RIC8B: variants seen among roughly 807,000 people sequenced by gnomAD.
RIC8B encodes chaperone Ric-8B.
Under a neutral mutation model 57.5 loss-of-function variants are expected in RIC8B, and 16 were observed. That is an observed-to-expected ratio of 0.28 (90% CI 0.19 to 0.42). The LOEUF is 0.42. RIC8B is among the 10% of genes least tolerant of loss of function. The pLI, the probability that RIC8B is intolerant of heterozygous loss-of-function variation, is 1.00. For synonymous variants in RIC8B, 216 were observed against 250.8 expected (o/e 0.86, Z 1.31); for missense variants, 481 against 677.0 (o/e 0.71, Z 3.21).
At chr12:106,864,676 G>A (rs1401273860) in intron 8 of RIC8B, among the ~76,000 whole-genome samples, 4 of 151,994 alleles carry the variant, frequency 2.6e-5, no homozygotes, top group African/African-American at 9.7e-5. Flanking sequence ...TTTTACTTTG[G>A]GGATAAAATA....
At chr12:106,861,700 T>G (rs1440687765) in intron 8 of RIC8B, among the ~76,000 whole-genome samples, 1 of 152,118 alleles carries the variant, frequency 6.6e-6, no homozygotes, top group Non-Finnish European at 1.5e-5. Context: ...TAAATTAGTC[T>G]TACTAGCTTT....
At chr12:106,804,564 G>T (rs138473196) in intron 2 of RIC8B, among the ~76,000 whole-genome samples, 1 of 152,220 alleles carries the variant, frequency 6.6e-6, no homozygotes, top group Non-Finnish European at 1.5e-5. Context: ...AATTGGTCAG[G>T]TGGCAGCTGG....
At chr12:106,790,929 C>G (rs1481499924) in intron 2 of RIC8B, among the ~76,000 whole-genome samples, 1 of 152,128 alleles carries the variant, frequency 6.6e-6, no homozygotes, top group African/African-American at 2.4e-5. Context: ...AGGTAATTGT[C>G]AAGTTGAGAT....
Position 106,843,963 on chromosome 12 carries a change from A to T in RIC8B, c.1161+16A>T. The stretch of plus-strand genomic sequence containing the variant: ...CAAAGATCAGGTAACTGCTTAATGC[A>T]TATTACATTGCAAAGTTAGTCTTTT... On this transcript the variant is annotated intron_variant, in intron 6 of 9. Transcript: ENST00000392837. 1 of 1,528,158 alleles carries T rather than the reference A, an allele frequency of 6.5e-7. No individual in the cohort carries two copies. Among genetic ancestry groups the T allele is most frequent in the Non-Finnish European group, 9.1e-7 (1 of 1,103,338 alleles). The allele number at this position is 1,528,158 out of a possible 1,614,324, so 94.7% of individuals were successfully genotyped here.
chr12:106,877,674 G>T (rs752374059), intron 9 of RIC8B, among the ~76,000 whole-genome samples: 1 of 152,096 alleles, frequency 6.6e-6, no homozygotes, highest in Non-Finnish European at 1.5e-5. Flanking sequence ...TCATACATGT[G>T]ATCACATTAA....
chr12:106,860,686 G>A (rs1256085052), intron 8 of RIC8B, among the ~76,000 whole-genome samples: 1 of 152,090 alleles, frequency 6.6e-6, no homozygotes, highest in Non-Finnish European at 1.5e-5. Flanking sequence ...TACTGAGAAA[G>A]TGTTATTGCT....
At chr12:106,872,427 G>A (rs1318802740) in intron 9 of RIC8B, among the ~76,000 whole-genome samples, 1 of 152,142 alleles carries the variant, frequency 6.6e-6, no homozygotes, top group African/African-American at 2.4e-5. Flanking sequence ...CCAGCACATT[G>A]GGAGGCTGAG....
chr12:106,852,917 G>A (rs1000487106), intron 7 of RIC8B, among the ~76,000 whole-genome samples: 8 of 152,194 alleles, frequency 5.3e-5, no homozygotes, highest in African/African-American at 1.9e-4. Context: ...ATTGATTCGA[G>A]ATCGGAAATG....
At chr12:106,797,930 C>T (rs1030302887) in intron 2 of RIC8B, 3 of 633,532 alleles carry the variant, frequency 4.7e-6, no homozygotes, top group Admixed American at 2.5e-5. Flanking sequence ...ATTGGATTGA[C>T]CTGTTGTGTA....
intron 9 of RIC8B, among the ~76,000 whole-genome samples, chr12:106,877,099 T>C (rs1249413265): frequency 1.3e-5 from 2 of 152,092 alleles, no homozygotes; most frequent in Non-Finnish European, 2.9e-5. Context: ...TTTTAGAAGC[T>C]TTGCATGTGA....
intron 4 of RIC8B, among the ~76,000 whole-genome samples, chr12:106,838,618 T>G (rs1390010344): frequency 6.6e-6 from 1 of 150,854 alleles, no homozygotes; most frequent in Non-Finnish European, 1.5e-5. Flanking sequence ...ACATTGGTCT[T>G]GGCAATGATT....
intron 1 of RIC8B, among the ~76,000 whole-genome samples, chr12:106,779,680 A>ATT (rs1278046443): frequency 2.3e-5 from 3 of 129,246 alleles, no homozygotes; most frequent in South Asian, 2.5e-4. Flanking sequence ...CACAAAAAAA[A>ATT]ATTTTTTTTT....
intron 4 of RIC8B, among the ~76,000 whole-genome samples, chr12:106,832,854 C>T (rs913003343): frequency 2.0e-5 from 3 of 152,182 alleles, no homozygotes; most frequent in African/African-American, 7.2e-5. Context: ...TTAAGTGGCT[C>T]TCTCGCTGCC....
At position 106,867,707 on chromosome 12, in the gene RIC8B, C is replaced by T. The variant is rs1033718967; in HGVS notation, c.1452-3116C>T. 3.9e-5 allele frequency among the ~76,000 whole-genome samples: 6 copies of T among 152,174 alleles called. No individual in the cohort carries two copies. The East Asian group carries it at 5.8e-4, about 15-fold the overall frequency. On this transcript the variant is annotated intron_variant, in intron 8 of 9. Coordinates refer to ENST00000392837, the MANE Select transcript of RIC8B (RefSeq NM_001330145.2). This position sits in a 1 kb window ranked among gnomAD's most constrained non-coding sequence, Gnocchi z 4.3. ...TGAGACTCTGGTTTGAAGTGGGGAG[C>T]GGGAGAAGAGACAGTGTTCATCTGC...
At chr12:106,850,524 A>G (rs1291534374) in intron 6 of RIC8B, among the ~76,000 whole-genome samples, 1 of 152,180 alleles carries the variant, frequency 6.6e-6, no homozygotes, top group Admixed American at 6.5e-5. Flanking sequence ...AGACAAACTA[A>G]GAAAGTTTCA....
At chr12:106,839,202 G>T (rs2046758402) in intron 4 of RIC8B, among the ~76,000 whole-genome samples, 1 of 152,308 alleles carries the variant, frequency 6.6e-6, no homozygotes, top group South Asian at 2.1e-4. Flanking sequence ...CTGTTTCACA[G>T]AGATATCTGC....
intron 4 of RIC8B, among the ~76,000 whole-genome samples, chr12:106,832,337 G>A (rs2046386414): frequency 6.6e-6 from 1 of 152,106 alleles, no homozygotes; most frequent in Non-Finnish European, 1.5e-5. Flanking sequence ...GGAGGCCAAG[G>A]CGGGTGGATC....
intron 9 of RIC8B, among the ~76,000 whole-genome samples, chr12:106,876,357 A>G (rs996210421): frequency 1.2e-4 from 19 of 152,184 alleles, no homozygotes; most frequent in Non-Finnish European, 2.6e-4. Flanking sequence ...AAATATTAAA[A>G]TTAATTTTAC....
chr12:106,779,780 T>C (rs1278386571), intron 1 of RIC8B, among the ~76,000 whole-genome samples: 1 of 151,800 alleles, frequency 6.6e-6, no homozygotes, highest in Non-Finnish European at 1.5e-5. Flanking sequence ...ACCTCAACTT[T>C]AGTTATAGAA....
Sources: gnomAD v4.1 joint callset for allele counts (sites outside exome capture counted in the v4.1 genomes callset) on GRCh38, gnomAD v4.1.1 for gene constraint, Gnocchi (gnomAD v3.1) non-coding constraint, MANE v1.5 for transcripts, NCBI Gene and HGNC (gene_info 2026-07-23, HGNC 2026-07-21) for gene names.